Variants in GOLM1 observed in about 807,000 individuals in gnomAD.
GOLM1 encodes the protein golgi membrane protein 1, also known as epididymis luminal protein 46.
In GOLM1, 31 loss-of-function variants were observed where a neutral mutation model predicts 50.5. The observed-to-expected ratio is 0.61, with a 90% CI of 0.46 to 0.83. The LOEUF (loss-of-function observed/expected upper bound fraction) is 0.83, where lower values mean the gene tolerates loss of function less well. GOLM1 is among the 40% of genes least tolerant of loss of function. GOLM1 has a pLI of 0.00. For synonymous variants in GOLM1, 178 were observed against 192.8 expected, an observed-to-expected ratio of 0.92 and a Z score of 0.64; for missense variants, 491 against 501.3, an observed-to-expected ratio of 0.98 and a Z score of 0.20.
chr9:86,052,153 T>A (rs1488924087), intron 4 of GOLM1, among the ~76,000 whole-genome samples: 1 of 152,120 alleles, frequency 6.6e-6, no homozygotes, highest in African/African-American at 2.4e-5. Flanking sequence ...AGAGGGGGAA[T>A]TAAATTGGGC....
At chr9:86,060,989 A>G (rs1389922136) in intron 3 of GOLM1, among the ~76,000 whole-genome samples, 2 of 147,566 alleles carry the variant, frequency 1.4e-5, no homozygotes, top group Non-Finnish European at 3.0e-5. Context: ...GAATTCCTGG[A>G]TGTTTTGGTA....
intron 1 of GOLM1, among the ~76,000 whole-genome samples, chr9:86,089,857 G>A (rs1259952010): frequency 1.3e-5 from 2 of 152,166 alleles, no homozygotes; most frequent in Non-Finnish European, 2.9e-5. Context: ...GGAATTTTCA[G>A]CCTTTTTGTG....
chr9:86,099,259 G>C (rs1182756465), intron 1 of GOLM1, among the ~76,000 whole-genome samples, 152 bp downstream of exon 1: 1 of 152,018 alleles, frequency 6.6e-6, no homozygotes, highest in Admixed American at 6.5e-5. Flanking sequence ...CCCGAGCGCA[G>C]CCAGCGAAGG....
Position 86,035,361 on chromosome 9 carries a change from C to A in GOLM1, c.1015+7G>T. ...GTCCACAGCGGCCCCCGAAACTTCA[C>A]ACCCACCTTCCCCGGCAGCTTCCTG... On this transcript the variant is annotated splice_region_variant and intron_variant, in intron 8 of 9. Coordinates refer to ENST00000388712, the MANE Select transcript of GOLM1 (RefSeq NM_016548.4). 1 of 1,612,266 alleles carries A rather than the reference C, an allele frequency of 6.2e-7. No homozygotes were observed. Among genetic ancestry groups the A allele is most frequent in the Non-Finnish European group, 8.5e-7 (1 of 1,179,400 alleles).
chr9:86,074,912 AG>A (rs1171680604), intron 3 of GOLM1, among the ~76,000 whole-genome samples: 1 of 151,914 alleles, frequency 6.6e-6, no homozygotes, highest in South Asian at 2.1e-4. Context: ...TCAATTTGGG[AG>A]GAAAAAAAAA....
At position 86,026,212 on chromosome 9, in the gene GOLM1, A is replaced by G. The variant is rs1832775859; in HGVS notation, c.*1605T>C. 1 of 981,520 alleles carries G rather than the reference A, an allele frequency of 1.0e-6. No homozygotes were observed. Among genetic ancestry groups the G allele is most frequent in the East Asian group, 1.1e-4 (1 of 8,794 alleles). 60.8% of individuals were successfully genotyped at this position (981,520 alleles called of 1,614,324 possible). ...TACAAATTAAACATGAGATGAATAG[A>G]GACTTTATTGAGAAAGCAAGAGAAA... On this transcript the variant is annotated 3_prime_UTR_variant, in exon 10 of 10. Coordinates refer to ENST00000388712, the MANE Select transcript of GOLM1 (RefSeq NM_016548.4).
intron 4 of GOLM1, among the ~76,000 whole-genome samples, chr9:86,049,446 A>G (rs954547785): frequency 7.9e-5 from 12 of 152,306 alleles, no homozygotes; most frequent in African/African-American, 2.6e-4. Context: ...CATTGAATCT[A>G]CAAATTACCT....
At chr9:86,064,205 A>C (rs917985215) in intron 3 of GOLM1, among the ~76,000 whole-genome samples, 1 of 152,240 alleles carries the variant, frequency 6.6e-6, no homozygotes, top group Admixed American at 6.5e-5. Flanking sequence ...GAAGCAAATT[A>C]CTTGAGTTTA....
intron 1 of GOLM1, among the ~76,000 whole-genome samples, chr9:86,097,913 T>C (rs931928914): frequency 6.6e-6 from 1 of 152,182 alleles, no homozygotes; most frequent in Admixed American, 6.5e-5. Flanking sequence ...GGAATGTAAA[T>C]GCAAAATCTT....
At chr9:86,084,603 T>C (rs1264077292) in intron 1 of GOLM1, among the ~76,000 whole-genome samples, 3 of 152,220 alleles carry the variant, frequency 2.0e-5, no homozygotes, top group East Asian at 1.9e-4. Flanking sequence ...GTAAAGGGTA[T>C]ATAGGAACTA....
In GOLM1 at chr9:86,052,548, C is replaced by T; in HGVS notation, c.353G>A (p.Arg118Gln). ...CGAGCGGAACTTACCTTGCAGCACT[C>T]GGATGAGCCTCTCACCTGTGGTGAT... Reference protein sequence around the residue: ...NNITTGERLIRVLQDQLKTLQ... With the variant: ...NNITTGERLIQVLQDQLKTLQ... Residue 118 changes from arginine to glutamine, a missense_variant, in exon 4 of 10, where the codon CGA becomes CAA. Coordinates refer to ENST00000388712, the MANE Select transcript of GOLM1 (RefSeq NM_016548.4). 1.2e-6 allele frequency: 2 copies of T among 1,613,752 alleles called. No individual in the cohort carries two copies. Among genetic ancestry groups the T allele is most frequent in the South Asian group, 1.1e-5 (1 of 91,084 alleles).
chr9:86,060,016 A>T (rs780791247), intron 3 of GOLM1, among the ~76,000 whole-genome samples: 38 of 152,120 alleles, frequency 2.5e-4, no homozygotes, highest in Non-Finnish European at 4.6e-4. Flanking sequence ...AAAATAATGA[A>T]TTGTATGTTA....
chr9:86,053,923 C>T (rs2118750317), intron 3 of GOLM1, among the ~76,000 whole-genome samples: 1 of 152,014 alleles, frequency 6.6e-6, no homozygotes, highest in South Asian at 2.1e-4. Context: ...GGTCTCCCTG[C>T]CTCAGAGCTC....
At chr9:86,086,457 G>A (rs927687874) in intron 1 of GOLM1, among the ~76,000 whole-genome samples, 3 of 151,570 alleles carry the variant, frequency 2.0e-5, no homozygotes, top group African/African-American at 7.3e-5. Flanking sequence ...GCAGAAGCTC[G>A]TTAGCTTAAC....
chr9:86,032,897 G>A (rs1833026639), intron 9 of GOLM1, among the ~76,000 whole-genome samples: 1 of 152,112 alleles, frequency 6.6e-6, no homozygotes, highest in Admixed American at 6.5e-5. Context: ...TAATACAAAG[G>A]GCAGCTTTCA....
chr9:86,097,096 A>AG (rs1835374674), intron 1 of GOLM1, among the ~76,000 whole-genome samples: 1 of 148,808 alleles, frequency 6.7e-6, no homozygotes. Flanking sequence ...TGAAAGTGTG[A>AG]GAAATATCTG....
At chr9:86,030,317 G>C (rs983883232) in intron 9 of GOLM1, among the ~76,000 whole-genome samples, 3 of 151,536 alleles carry the variant, frequency 2.0e-5, no homozygotes, top group African/African-American at 7.3e-5. Flanking sequence ...TGACAACAGA[G>C]AGTTTGTATT....
intron 3 of GOLM1, among the ~76,000 whole-genome samples, chr9:86,053,734 CCA>C (rs997691750): frequency 1.2e-3 from 1 of 808 alleles, no homozygotes; most frequent in African/African-American, 4.3e-3. Flanking sequence ...CTGCTCCACT[CCA>C]CACACACCAC....
At chr9:86,052,662 A>C in intron 3 of GOLM1, 71 bp from the exon 4 acceptor site, 1 of 1,324,724 alleles carries the variant, frequency 7.5e-7, no homozygotes, top group Non-Finnish European at 1.1e-6. Flanking sequence ...TGTGATACAA[A>C]CCAATGATGG....
Sources: gnomAD v4.1 joint callset for allele counts (sites outside exome capture counted in the v4.1 genomes callset) on GRCh38, gnomAD v4.1.1 for gene constraint, MANE v1.5 for transcripts, NCBI Gene and HGNC (gene_info 2026-07-23, HGNC 2026-07-21) for gene names.